Variants in SLC26A5 observed in about 807,000 individuals in gnomAD.
SLC26A5 encodes the protein solute carrier family 26 member 5.
SLC26A5 carries 51 observed loss-of-function variants against 81.0 expected under a neutral mutation model. The observed-to-expected ratio is 0.63, with a 90% CI of 0.50 to 0.80. The LOEUF is 0.80. SLC26A5 is among the 30% of genes least tolerant of loss of function. The pLI is 0.00. For missense variants in SLC26A5, 771 were observed against 905.8 expected, an observed-to-expected ratio of 0.85 and a Z score of 1.91; for synonymous variants, 325 against 332.8, an observed-to-expected ratio of 0.98 and a Z score of 0.25.
chr7:103,353,870 T>A (rs79802159), intron 19 of SLC26A5: 2 of 1,512,490 alleles, frequency 1.3e-6, no homozygotes, highest in East Asian at 4.5e-5. Context: ...TTTTTAAAAA[T>A]TTTAATTCTA....
intron 14 of SLC26A5, among the ~76,000 whole-genome samples, chr7:103,386,845 C>T (rs757602789): frequency 2.6e-5 from 4 of 151,992 alleles, no homozygotes; most frequent in Non-Finnish European, 5.9e-5. Flanking sequence ...TCACTGCAAC[C>T]TCCACCTCCT....
At chr7:103,364,972 TATATATATA>T (rs1563495591) in intron 19 of SLC26A5, among the ~76,000 whole-genome samples, 11 of 144,870 alleles carry the variant, frequency 7.6e-5, no homozygotes, top group African/African-American at 2.8e-4. Context: ...TATATATATA[TATATATATA>T]TATTTAGAGA....
chr7:103,408,106 T>A, intron 7 of SLC26A5, 103 bp from the exon 8 acceptor site: 1 of 1,469,212 alleles, frequency 6.8e-7, no homozygotes, highest in Non-Finnish European at 9.4e-7. Context: ...CGTTATTGGA[T>A]ATTTCTAGTG....
intron 8 of SLC26A5, among the ~76,000 whole-genome samples, chr7:103,401,311 C>T (rs113098394): frequency 0.024 from 3,576 of 152,162 alleles, 129 homozygotes; most frequent in African/African-American, 0.082. Context: ...TATTCATAGA[C>T]ATTTTCTTCT....
At chr7:103,415,122 G>T (rs189330324) in intron 4 of SLC26A5, among the ~76,000 whole-genome samples, 1 of 152,298 alleles carries the variant, frequency 6.6e-6, no homozygotes, top group African/African-American at 2.4e-5. Context: ...CTCATTTAAT[G>T]CACTGTTATG....
chr7:103,431,863 T>C (rs1826104987), intron 2 of SLC26A5, among the ~76,000 whole-genome samples: 1 of 120,268 alleles, frequency 8.3e-6, no homozygotes, highest in Non-Finnish European at 1.5e-5. Context: ...TAAAATTATA[T>C]GGCTTTTTTT....
At chr7:103,411,301 G>A in intron 6 of SLC26A5, 119 bp downstream of exon 6, 1 of 1,168,750 alleles carries the variant, frequency 8.6e-7, no homozygotes, top group East Asian at 2.4e-5. Flanking sequence ...TACTCCCAGA[G>A]CTCTGGGGTT....
At chr7:103,431,642 C>A (rs983256365) in intron 2 of SLC26A5, among the ~76,000 whole-genome samples, 11 of 152,060 alleles carry the variant, frequency 7.2e-5, no homozygotes, top group Non-Finnish European at 1.6e-4. Context: ...TTCTTAAAAT[C>A]ATTTTTAATA....
rs1421319771 is a variant in SLC26A5, at chr7:103,367,399, T to C, written c.2041+9409A>G. ...GTGGACTTGAAGAGCTTATCTTTCCTTTTGTCTTCTCAGGGGCTCGTTTTG... is the reference window on the plus strand; with the variant it reads ...GTGGACTTGAAGAGCTTATCTTTCCCTTTGTCTTCTCAGGGGCTCGTTTTG... On this transcript the variant is annotated intron_variant, in intron 19 of 19. Coordinates refer to the SLC26A5 transcript ENST00000339444. The surrounding 1 kb of genome is among the most constrained non-coding windows in gnomAD (Gnocchi z 6.1). The C allele has an allele frequency of 1.2e-5, 20 of 1,612,586 alleles. No individual in the cohort carries two copies. Among genetic ancestry groups the C allele is most frequent in the Non-Finnish European group, 1.6e-5 (19 of 1,179,696 alleles).
In SLC26A5 at chr7:103,358,696, T is replaced by TG. The variant is rs1820183376; in HGVS notation, c.2042-5771_2042-5770insC. 2.0e-5 allele frequency among the ~76,000 whole-genome samples: 3 copies of TG among 152,230 alleles called. No individual in the cohort carries two copies. In the South Asian group the frequency reaches 6.2e-4, roughly 32 times the overall value. ...GTGTGTTGAATGTTCTGCTCTTATA[T>TG]CATGGTTGTAATATGTTCTTATCTC... On this transcript the variant is annotated intron_variant, in intron 19 of 19. Coordinates refer to the SLC26A5 transcript ENST00000339444.
chr7:103,428,981 T>C (rs1825886898), intron 2 of SLC26A5, among the ~76,000 whole-genome samples: 1 of 152,188 alleles, frequency 6.6e-6, no homozygotes, highest in Non-Finnish European at 1.5e-5. Context: ...TTTCCTTTGA[T>C]TAATTTCTCC....
chr7:103,353,907 C>T (rs1563484422), intron 19 of SLC26A5: 3 of 1,599,180 alleles, frequency 1.9e-6, no homozygotes, highest in Non-Finnish European at 8.5e-7. Flanking sequence ...CACGTATTGT[C>T]TCTCTTCTTT....
At chr7:103,353,634 G>T (rs1390147020) in intron 19 of SLC26A5, among the ~76,000 whole-genome samples, 1 of 152,150 alleles carries the variant, frequency 6.6e-6, no homozygotes, top group Non-Finnish European at 1.5e-5. Flanking sequence ...TATGACTATG[G>T]TATAATTTAA....
chr7:103,368,157 GC>G, intron 19 of SLC26A5: 1 of 1,023,530 alleles, frequency 9.8e-7, no homozygotes, highest in Non-Finnish European at 1.4e-6. Context: ...AAAATTGTAT[GC>G]TTTTTTCCAT....
intron 2 of SLC26A5, among the ~76,000 whole-genome samples, chr7:103,438,869 T>C (rs947877909): frequency 7.2e-5 from 11 of 152,142 alleles, no homozygotes; most frequent in Admixed American, 2.6e-4. Context: ...ATCAGGAACA[T>C]GAATTTGGAA....
intron 19 of SLC26A5, among the ~76,000 whole-genome samples, chr7:103,358,432 AT>A (rs1275853812): frequency 2.6e-5 from 4 of 151,968 alleles, no homozygotes; most frequent in Admixed American, 6.6e-5. Context: ...TTATTCCTGA[AT>A]TCTCTTATTT....
At chr7:103,358,106 T>G (rs1237878919) in intron 19 of SLC26A5, among the ~76,000 whole-genome samples, 1 of 152,190 alleles carries the variant, frequency 6.6e-6, no homozygotes, top group Non-Finnish European at 1.5e-5. Context: ...GAGGTAATAT[T>G]TTGAGACTGC....
At chr7:103,411,624 C>G in intron 5 of SLC26A5, 38 bp from the exon 6 acceptor site, 5 of 1,612,392 alleles carry the variant, frequency 3.1e-6, no homozygotes, top group Non-Finnish European at 4.2e-6. Context: ...GTTCAGGGTT[C>G]AGAGTATCTG....
intron 9 of SLC26A5, among the ~76,000 whole-genome samples, chr7:103,396,315 A>T (rs1199627243): frequency 1.3e-5 from 2 of 152,194 alleles, no homozygotes; most frequent in Non-Finnish European, 2.9e-5. Context: ...CAGCAATCCC[A>T]CTTACAGGTA....
Sources: allele counts gnomAD v4.1 joint callset (sites outside exome capture counted in the v4.1 genomes callset), GRCh38; gene constraint gnomAD v4.1.1; non-coding constraint Gnocchi (gnomAD v3.1); transcripts MANE v1.5; gene names NCBI Gene and HGNC (gene_info 2026-07-23, HGNC 2026-07-21).